ESYT2: variants seen among roughly 807,000 people sequenced by gnomAD.
ESYT2 encodes the protein extended synaptotagmin-2.
ESYT2 carries 54 observed loss-of-function variants against 107.2 expected under a neutral mutation model. The observed-to-expected ratio is 0.50, with a 90% CI of 0.40 to 0.63. The LOEUF is 0.63. Among genes scored for constraint, ESYT2 ranks in the 30% least tolerant of loss-of-function variants. ESYT2 has a pLI of 0.00. For missense variants in ESYT2, 1,020 were observed against 1,094.5 expected (o/e 0.93, Z 0.96); for synonymous variants, 491 against 434.1 (o/e 1.13, Z -1.63).
intron 13 of ESYT2, among the ~76,000 whole-genome samples, chr7:158,758,939 G>A (rs1307585892): frequency 6.6e-6 from 1 of 152,216 alleles, no homozygotes; most frequent in Non-Finnish European, 1.5e-5. Flanking sequence ...TCTAGGCACA[G>A]AGTGTCTTGT....
At chr7:158,787,330 TACTC>T (rs1839147202) in intron 6 of ESYT2, among the ~76,000 whole-genome samples, 1 of 152,164 alleles carries the variant, frequency 6.6e-6, no homozygotes, top group South Asian at 2.1e-4. Context: ...TCAAAGGAAA[TACTC>T]ACTGGAGTCT....
At chr7:158,782,526 C>A (rs1381158757) in intron 6 of ESYT2, among the ~76,000 whole-genome samples, 2 of 71,294 alleles carry the variant, frequency 2.8e-5, no homozygotes, top group East Asian at 2.5e-4. Flanking sequence ...AGTGGAATAG[C>A]GAGTGTAAGA....
chr7:158,778,399 A>G (rs1321225430), intron 6 of ESYT2, among the ~76,000 whole-genome samples: 1 of 152,004 alleles, frequency 6.6e-6, no homozygotes, highest in Non-Finnish European at 1.5e-5. Context: ...ACCTGTTAAT[A>G]TATTTACATG....
intron 6 of ESYT2, among the ~76,000 whole-genome samples, chr7:158,774,068 T>C (rs916099827): frequency 1.3e-5 from 2 of 152,266 alleles, no homozygotes; most frequent in African/African-American, 4.8e-5. Flanking sequence ...TGTGGGTTGA[T>C]GAAAACTATT....
chr7:158,793,784 T>A, intron 3 of ESYT2, 58 bp from the exon 4 acceptor site: 1 of 1,300,592 alleles, frequency 7.7e-7, no homozygotes. Context: ...AATCAAACCG[T>A]GTAACATACC....
intron 18 of ESYT2, among the ~76,000 whole-genome samples, chr7:158,740,193 G>A (rs1041468247): frequency 6.6e-6 from 1 of 152,174 alleles, no homozygotes. Context: ...TTCTAGAGAG[G>A]CTGGGCACTC....
intron 1 of ESYT2, among the ~76,000 whole-genome samples, chr7:158,822,083 T>C (rs1420502093): frequency 6.6e-6 from 1 of 152,176 alleles, no homozygotes; most frequent in Non-Finnish European, 1.5e-5. Flanking sequence ...GGCACAATCA[T>C]CTGCATAGAG....
chr7:158,772,136 A>G (rs1020919063), intron 7 of ESYT2, among the ~76,000 whole-genome samples: 1 of 151,906 alleles, frequency 6.6e-6, no homozygotes, highest in Non-Finnish European at 1.5e-5. Context: ...AAAAAAAAAG[A>G]AACTTACTTA....
chr7:158,754,105 GC>G (rs1393694963), intron 13 of ESYT2, among the ~76,000 whole-genome samples: 1 of 152,196 alleles, frequency 6.6e-6, no homozygotes, highest in East Asian at 1.9e-4. Context: ...TCAGGCAGGT[GC>G]CCCGTCGGGA....
At chr7:158,822,256 T>G (rs1290662033) in intron 1 of ESYT2, among the ~76,000 whole-genome samples, 1 of 152,236 alleles carries the variant, frequency 6.6e-6, no homozygotes, top group Non-Finnish European at 1.5e-5. Flanking sequence ...TCTGATAGAA[T>G]GTACCCAGTA....
intron 6 of ESYT2, among the ~76,000 whole-genome samples, chr7:158,780,382 G>A (rs1838731234): frequency 1.3e-5 from 2 of 152,134 alleles, no homozygotes; most frequent in Non-Finnish European, 2.9e-5. Context: ...GCATCACAGC[G>A]AACATTTACC....
intron 1 of ESYT2, among the ~76,000 whole-genome samples, chr7:158,805,952 G>C (rs1477688471): frequency 6.6e-6 from 1 of 152,218 alleles, no homozygotes; most frequent in Non-Finnish European, 1.5e-5. Flanking sequence ...TGTAAAATAA[G>C]GACTCTTGCC....
In ESYT2 at chr7:158,732,569, T is replaced by C. The variant is rs1836785223; in HGVS notation, c.*1638A>G. 6.6e-6 allele frequency: 1 copy of C among 152,416 alleles called. No homozygotes were observed. The highest frequency in any genetic ancestry group is 2.1e-4 in the South Asian group (1 of 4,828). 9.4% of individuals were successfully genotyped at this position (152,416 alleles called of 1,614,324 possible). A position where few individuals can be genotyped will look rare whatever the true frequency, so the allele number is the denominator to read the frequency against. On this transcript the variant is annotated 3_prime_UTR_variant, in exon 23 of 23. Transcript: ENST00000275418. ...ATGGTTCAAAGTGTAAGTTATAAAT[T>C]GAAACAAAATCAAAATCTGCTAGAA...
intron 19 of ESYT2, among the ~76,000 whole-genome samples, chr7:158,738,344 G>GACACACAC (rs199580275): frequency 2.3e-5 from 3 of 131,312 alleles, no homozygotes; most frequent in African/African-American, 9.1e-5. Flanking sequence ...CACACACACA[G>GACACACAC]ACACACACAC....
At chr7:158,785,102 T>C (rs1456100200) in intron 6 of ESYT2, among the ~76,000 whole-genome samples, 1 of 152,150 alleles carries the variant, frequency 6.6e-6, no homozygotes, top group Non-Finnish European at 1.5e-5. Context: ...CCAGAACAAT[T>C]ATCCAAGCTT....
intron 1 of ESYT2, among the ~76,000 whole-genome samples, chr7:158,808,805 C>CT (rs1276636173): frequency 2.0e-4 from 10 of 50,702 alleles, no homozygotes; most frequent in African/African-American, 5.3e-4. Context: ...CCCATCTCTA[C>CT]TAAAAAAAAA....
chr7:158,775,136 T>C (rs1838509664), intron 6 of ESYT2, among the ~76,000 whole-genome samples: 1 of 152,234 alleles, frequency 6.6e-6, no homozygotes, highest in African/African-American at 2.4e-5. Context: ...CATACTTAAG[T>C]GTGCAATAGC....
rs1176162034 is a variant in ESYT2, at chr7:158,732,532, A to G, written c.*1675T>C. 4 of 152,428 alleles carry G rather than the reference A, an allele frequency of 2.6e-5. No homozygotes were observed. The highest frequency in any genetic ancestry group is 6.5e-5 in the Admixed American group (1 of 15,300). The allele number at this position is 152,428 out of a possible 1,614,324, so 9.4% of individuals were successfully genotyped here. A position where few individuals can be genotyped will look rare whatever the true frequency, so the allele number is the denominator to read the frequency against. ...ATGCTGTGAAGCTACAGACTCCATT[A>G]TAAGTAAACCCATGGTTCAAAGTGT... On this transcript the variant is annotated 3_prime_UTR_variant, in exon 23 of 23. Coordinates refer to ENST00000275418, the MANE Select transcript of ESYT2 (RefSeq NM_001367773.1).
chr7:158,828,390 C>A (rs1296998713), intron 1 of ESYT2, among the ~76,000 whole-genome samples: 1 of 152,270 alleles, frequency 6.6e-6, no homozygotes, highest in African/African-American at 2.4e-5. Flanking sequence ...GCAGAACCGG[C>A]CGCTCAGGCC....
Sources: gnomAD v4.1 joint callset for allele counts (sites outside exome capture counted in the v4.1 genomes callset) on GRCh38, gnomAD v4.1.1 for gene constraint, MANE v1.5 for transcripts, NCBI Gene and HGNC (gene_info 2026-07-23, HGNC 2026-07-21) for gene names.